WDR41: variants seen among roughly 807,000 people sequenced by gnomAD.
The protein encoded by WDR41 is WD repeat domain 41.
In WDR41, 63 loss-of-function variants were observed where a neutral mutation model predicts 69.3. The ratio of observed to expected loss-of-function variants is 0.91; its 90% CI spans 0.74 to 1.12. The LOEUF (loss-of-function observed/expected upper bound fraction) is 1.12. Ranked by LOEUF, WDR41 falls within the 50% of genes most tolerant of loss-of-function variation. The probability of loss-of-function intolerance (pLI) is 0.00; values close to 1 mark genes in which losing one functional copy is unlikely to be tolerated. For synonymous variants in WDR41, 185 were observed against 192.1 expected (o/e 0.96, Z 0.31); for missense variants, 543 against 534.5 (o/e 1.02, Z -0.16).
Position 77,516,606 on chromosome 5 carries a change from T to C in WDR41, c.43-27034A>G, listed in dbSNP as rs554972830. Among the ~76,000 whole-genome samples the C allele has an allele frequency of 3.0e-3, 462 of 152,262 alleles. 1 individual carries two copies. The highest frequency in any genetic ancestry group is 0.011 in the African/African-American group (440 of 41,548). On this transcript the variant is annotated intron_variant, in intron 1 of 5. Transcript: ENST00000509971. The stretch of plus-strand genomic sequence containing the variant: ...TGCAAGGGACTTTGGTTTTTCCATG[T>C]AGCTTTACTCTGTGTGGCCTCTGTA...
intron 1 of WDR41, among the ~76,000 whole-genome samples, chr5:77,559,703 G>GTA (rs1308844005): frequency 6.6e-6 from 1 of 151,716 alleles, no homozygotes; most frequent in African/African-American, 2.4e-5. Context: ...GTGTGTGTGT[G>GTA]TATTCCTACA....
At chr5:77,552,617 G>A (rs1743318934) in intron 1 of WDR41, among the ~76,000 whole-genome samples, 1 of 152,164 alleles carries the variant, frequency 6.6e-6, no homozygotes, top group Non-Finnish European at 1.5e-5. Flanking sequence ...AAAGAAATGG[G>A]AGAAACTACT....
chr5:77,515,149 CT>C (rs1324669553), intron 1 of WDR41, among the ~76,000 whole-genome samples: 2 of 152,020 alleles, frequency 1.3e-5, no homozygotes, highest in Admixed American at 6.5e-5. Flanking sequence ...AATTTTTTGA[CT>C]TTTAATAACA....
chr5:77,487,720 A>G (rs911529151), intron 2 of WDR41, among the ~76,000 whole-genome samples: 1 of 152,192 alleles, frequency 6.6e-6, no homozygotes, highest in Non-Finnish European at 1.5e-5. Flanking sequence ...GGGCCCTGAG[A>G]TAACATCAGG....
intron 4 of WDR41, among the ~76,000 whole-genome samples, chr5:77,461,554 A>G (rs1039182489): frequency 6.6e-6 from 1 of 152,216 alleles, no homozygotes; most frequent in Non-Finnish European, 1.5e-5. Context: ...AAAAATTAAT[A>G]TGACCGGAAA....
At chr5:77,547,672 G>A (rs1321424200) in intron 1 of WDR41, among the ~76,000 whole-genome samples, 1 of 152,092 alleles carries the variant, frequency 6.6e-6, no homozygotes, top group African/African-American at 2.4e-5. Context: ...GCTCATGGAT[G>A]TGTAGAATCA....
chr5:77,592,755 A>C (rs1744155563), intron 1 of WDR41, among the ~76,000 whole-genome samples: 1 of 152,178 alleles, frequency 6.6e-6, no homozygotes, highest in Admixed American at 6.5e-5. Flanking sequence ...TACTGCTAAC[A>C]TGAGAAAAAA....
intron 1 of WDR41, among the ~76,000 whole-genome samples, chr5:77,529,427 T>C (rs1383696421): frequency 6.6e-6 from 1 of 151,458 alleles, no homozygotes; most frequent in Non-Finnish European, 1.5e-5. Context: ...AGGCTCAAAA[T>C]TATAAAGATG....
At chr5:77,521,940 C>G (rs1802376420) in intron 1 of WDR41, among the ~76,000 whole-genome samples, 1 of 152,180 alleles carries the variant, frequency 6.6e-6, no homozygotes, top group African/African-American at 2.4e-5. Flanking sequence ...CTTTAGTCTT[C>G]AGGCTCTAAG....
chr5:77,456,056 G>A lies in WDR41; in HGVS notation c.412-2128C>T, dbSNP rs184795187. Among the ~76,000 whole-genome samples the A allele has an allele frequency of 1.8e-3, 277 of 151,968 alleles. 2 individuals are homozygous for A. Among genetic ancestry groups the A allele is most frequent in the African/African-American group, 6.4e-3 (265 of 41,482 alleles). ...CAATCTGTAGATCAATGTGGGTAGT[G>A]GTGGAATCATAACAATAGTAAATCT... On this transcript the variant is annotated intron_variant, in intron 5 of 12. Coordinates refer to ENST00000296679, the MANE Select transcript of WDR41 (RefSeq NM_018268.4).
At chr5:77,510,766 ATTTTT>A (rs58752727) in intron 1 of WDR41, among the ~76,000 whole-genome samples, 1 of 99,588 alleles carries the variant, frequency 1.0e-5, no homozygotes. Context: ...TCCAAATTCA[ATTTTT>A]TTTTTTTTTT....
Position 77,431,799 on chromosome 5 carries a change from AT to A in WDR41, c.*1335del, listed in dbSNP as rs1238235067. ...GAATAATGGGAGAAAGTCTTCTGTAATTGAGGTAGCTTAAGTTTTAATATTT... is the reference window on the plus strand; with the variant it reads ...GAATAATGGGAGAAAGTCTTCTGTAATGAGGTAGCTTAAGTTTTAATATTT... On this transcript the variant is annotated 3_prime_UTR_variant, in exon 13 of 13. Transcript: ENST00000296679. The A allele has an allele frequency of 6.6e-6, 1 of 152,254 alleles. No individual in the cohort carries two copies. Among genetic ancestry groups the A allele is most frequent in the Non-Finnish European group, 1.5e-5 (1 of 68,042 alleles). 9.4% of individuals were successfully genotyped at this position (152,254 alleles called of 1,614,324 possible). A position where few individuals can be genotyped will look rare whatever the true frequency, so the allele number is the denominator to read the frequency against.
intron 1 of WDR41, among the ~76,000 whole-genome samples, chr5:77,593,517 TA>T (rs543744881): frequency 1.8e-3 from 281 of 152,322 alleles, no homozygotes; most frequent in African/African-American, 6.4e-3. Context: ...ACAGTCATTA[TA>T]AATAATATAA....
chr5:77,465,611 C>G (rs2151327102), intron 2 of WDR41, among the ~76,000 whole-genome samples: 1 of 152,054 alleles, frequency 6.6e-6, no homozygotes, highest in African/African-American at 2.4e-5. Context: ...ACATCATAAG[C>G]ATGTCAAATA....
At chr5:77,552,025 T>C (rs894911905) in intron 1 of WDR41, among the ~76,000 whole-genome samples, 6 of 135,616 alleles carry the variant, frequency 4.4e-5, no homozygotes, top group Admixed American at 7.3e-5. Flanking sequence ...TAAAATAAAA[T>C]AAAATAAAAT....
At chr5:77,608,910 G>C (rs1034044247) in intron 1 of WDR41, among the ~76,000 whole-genome samples, 42 of 152,214 alleles carry the variant, frequency 2.8e-4, no homozygotes, top group Admixed American at 2.7e-3. Context: ...TCAAAGAAAG[G>C]GGTGACAGAC....
upstream of WDR41, among the ~76,000 whole-genome samples, chr5:77,493,167 G>A (rs990294228): frequency 6.6e-6 from 1 of 152,124 alleles, no homozygotes; most frequent in African/African-American, 2.4e-5. Flanking sequence ...TAGGAATCGG[G>A]GTTTTGGGAA....
chr5:77,541,266 AAAC>A (rs1325749471), intron 1 of WDR41, among the ~76,000 whole-genome samples: 1 of 152,158 alleles, frequency 6.6e-6, no homozygotes, highest in East Asian at 1.9e-4. Context: ...AGAAAAAAGC[AAAC>A]AACCCCAATA....
chr5:77,493,058 T>C (rs1006098071), upstream of WDR41, among the ~76,000 whole-genome samples: 2 of 152,180 alleles, frequency 1.3e-5, no homozygotes, highest in Non-Finnish European at 2.9e-5. Flanking sequence ...TGTGGTTATC[T>C]ATGCTGACTG....
Sources: allele counts gnomAD v4.1 joint callset (sites outside exome capture counted in the v4.1 genomes callset), GRCh38; gene constraint gnomAD v4.1.1; transcripts MANE v1.5; gene names NCBI Gene and HGNC (gene_info 2026-07-23, HGNC 2026-07-21).